The following CDH13 variants were observed in gnomAD, a reference collection of about 807,000 sequenced individuals.
CDH13 encodes the protein cadherin 13.
In CDH13, 24 loss-of-function variants were observed where a neutral mutation model predicts 63.8. The observed-to-expected ratio is 0.38, with a 90% CI of 0.27 to 0.53. CDH13 has a LOEUF of 0.53. Among genes scored for constraint, CDH13 ranks in the 20% least tolerant of loss-of-function variants. The probability of loss-of-function intolerance (pLI) is 0.85; values close to 1 mark genes in which losing one functional copy is unlikely to be tolerated. For synonymous variants in CDH13, 503 were observed against 355.3 expected (o/e 1.42, Z -4.67); for missense variants, 1,049 against 903.1 (o/e 1.16, Z -2.07).
At chr16:83,025,290 AT>A (rs1567755590) in intron 2 of CDH13, among the ~76,000 whole-genome samples, 1 of 152,212 alleles carries the variant, frequency 6.6e-6, no homozygotes, top group African/African-American at 2.4e-5. Context: ...ATATTAGTCC[AT>A]TCTCATGCTA....
chr16:82,671,385 T>C (rs1489588759), intron 1 of CDH13, among the ~76,000 whole-genome samples: 1 of 152,206 alleles, frequency 6.6e-6, no homozygotes, highest in Non-Finnish European at 1.5e-5. Flanking sequence ...TGTAAGCCAA[T>C]CAACAAGACT....
chr16:82,942,495 C>T (rs1439829882), intron 2 of CDH13, among the ~76,000 whole-genome samples: 1 of 152,066 alleles, frequency 6.6e-6, no homozygotes, highest in Non-Finnish European at 1.5e-5. Flanking sequence ...AGGATTTGAC[C>T]TAAGGGAAGA....
At chr16:83,460,995 GCACA>G (rs35631596) in intron 6 of CDH13, among the ~76,000 whole-genome samples, 1 of 147,804 alleles carries the variant, frequency 6.8e-6, no homozygotes, top group Non-Finnish European at 1.5e-5. Context: ...ACACACACAC[GCACA>G]CACACACACA....
intron 1 of CDH13, among the ~76,000 whole-genome samples, chr16:82,788,753 C>A (rs949423240): frequency 6.6e-6 from 1 of 152,172 alleles, no homozygotes; most frequent in Non-Finnish European, 1.5e-5. Flanking sequence ...CTTAGAGTGC[C>A]ACATGACAAA....
At position 83,063,895 on chromosome 16, in the gene CDH13, G is replaced by A. The variant is rs368565455; in HGVS notation, c.366+31677G>A. On this transcript the variant is annotated intron_variant, in intron 3 of 13. Coordinates refer to ENST00000567109, the MANE Select transcript of CDH13 (RefSeq NM_001257.5). ...CAATTGTGTAACATTTTTGCAGGGA[G>A]AGTCCTGGGAACAGTGAGACAAGTT... Among the ~76,000 whole-genome samples, 4 of 152,208 alleles carry A rather than the reference G, an allele frequency of 2.6e-5. No individual in the cohort carries two copies. In the South Asian group the frequency reaches 6.2e-4, roughly 24 times the overall value.
intron 8 of CDH13, among the ~76,000 whole-genome samples, chr16:83,616,495 A>G (rs1001237259): frequency 1.3e-5 from 2 of 152,166 alleles, no homozygotes; most frequent in Non-Finnish European, 2.9e-5. Flanking sequence ...TAGCTGGCAG[A>G]GTCTTACCAC....
intron 10 of CDH13, among the ~76,000 whole-genome samples, chr16:83,718,752 C>G (rs1209301607): frequency 1.3e-5 from 2 of 152,212 alleles, no homozygotes; most frequent in African/African-American, 4.8e-5. Flanking sequence ...TTATCAGCCC[C>G]TAGCTTCTGC....
chr16:82,702,257 C>T (rs2031093898), intron 1 of CDH13, among the ~76,000 whole-genome samples: 1 of 152,176 alleles, frequency 6.6e-6, no homozygotes, highest in East Asian at 1.9e-4. Context: ...AAAAAGCCTC[C>T]TTAAACTTGC....
chr16:83,400,531 G>A (rs555016518), intron 6 of CDH13, among the ~76,000 whole-genome samples: 1 of 152,206 alleles, frequency 6.6e-6, no homozygotes, highest in Non-Finnish European at 1.5e-5. Flanking sequence ...TCTCCCCAAT[G>A]CTTTCAAGAC....
At chr16:82,653,231 G>A (rs911814316) in intron 1 of CDH13, among the ~76,000 whole-genome samples, 2 of 152,152 alleles carry the variant, frequency 1.3e-5, no homozygotes, top group African/African-American at 4.8e-5. Flanking sequence ...ACCTGATAAT[G>A]TTTCTCCTTG....
intron 1 of CDH13, among the ~76,000 whole-genome samples, chr16:82,763,758 C>G (rs1398383282): frequency 2.0e-5 from 3 of 152,214 alleles, no homozygotes; most frequent in Non-Finnish European, 4.4e-5. Context: ...TCACAGCTCA[C>G]TGCAGCCTCC....
chr16:83,377,109 C>T (rs2091473805), intron 6 of CDH13, among the ~76,000 whole-genome samples: 1 of 152,118 alleles, frequency 6.6e-6, no homozygotes, highest in Admixed American at 6.6e-5. Context: ...TGAGATGTAC[C>T]ACCCAGCTGA....
At chr16:83,061,337 A>G (rs867090313) in intron 3 of CDH13, among the ~76,000 whole-genome samples, 3 of 151,804 alleles carry the variant, frequency 2.0e-5, no homozygotes, top group Admixed American at 6.5e-5. Flanking sequence ...CTTTGTCCGG[A>G]TGAGTGGATT....
intron 3 of CDH13, among the ~76,000 whole-genome samples, chr16:83,085,161 G>A (rs1450232921): frequency 6.6e-6 from 1 of 151,916 alleles, no homozygotes; most frequent in Non-Finnish European, 1.5e-5. Context: ...TGGCTGGGGA[G>A]GCCCTAGAAT....
chr16:83,691,395 C>T (rs1283019899), intron 10 of CDH13, among the ~76,000 whole-genome samples: 4 of 152,136 alleles, frequency 2.6e-5, no homozygotes, highest in South Asian at 4.1e-4. Flanking sequence ...ACTATGATCC[C>T]CAAAGAGGGA....
intron 5 of CDH13, among the ~76,000 whole-genome samples, chr16:83,317,063 A>G (rs2090121949): frequency 6.6e-6 from 1 of 152,210 alleles, no homozygotes; most frequent in Non-Finnish European, 1.5e-5. Context: ...ATCACAACTC[A>G]AGGGAAGATG....
At position 82,896,937 on chromosome 16, in the gene CDH13, C is replaced by T. The variant is rs568849872; in HGVS notation, c.157+38464C>T. On this transcript the variant is annotated intron_variant, in intron 2 of 13. Transcript: ENST00000567109. ...CTGGGACTACAGGTGCCCGCCATCACGCCCAGCTAATTTTTTTGTATTTTT... is the reference window on the plus strand; with the variant it reads ...CTGGGACTACAGGTGCCCGCCATCATGCCCAGCTAATTTTTTTGTATTTTT... Among the ~76,000 whole-genome samples the T allele has an allele frequency of 1.1e-4, 16 of 151,914 alleles. No individual in the cohort carries two copies. In the East Asian group the frequency reaches 2.5e-3, roughly 24 times the overall value.
chr16:82,952,098 G>T (rs994628548), intron 2 of CDH13, among the ~76,000 whole-genome samples: 4 of 152,182 alleles, frequency 2.6e-5, no homozygotes, highest in African/African-American at 9.7e-5. Context: ...AATGATAAAT[G>T]CATAGACATT....
intron 10 of CDH13, among the ~76,000 whole-genome samples, chr16:83,714,338 T>G (rs1908563913): frequency 6.6e-6 from 1 of 152,194 alleles, no homozygotes. Context: ...AGAAATGAAA[T>G]CTACGCTCTC....
Sources: gnomAD v4.1 joint callset for allele counts (sites outside exome capture counted in the v4.1 genomes callset) on GRCh38, gnomAD v4.1.1 for gene constraint, MANE v1.5 for transcripts, NCBI Gene and HGNC (gene_info 2026-07-23, HGNC 2026-07-21) for gene names.